P2RX7: variants seen among roughly 807,000 people sequenced by gnomAD.
P2RX7 encodes P2X purinoceptor 7.
P2RX7 carries 62 observed loss-of-function variants against 71.6 expected under a neutral mutation model. The ratio of observed to expected loss-of-function variants is 0.87; its 90% confidence interval spans 0.71 to 1.07. The LOEUF is 1.07. P2RX7 is among the 50% of genes least tolerant of loss of function. The pLI is 0.00. For missense variants in P2RX7, 686 were observed against 748.5 expected (o/e 0.92, Z 0.97); for synonymous variants, 299 against 283.3 (o/e 1.06, Z -0.56).
chr12:121,182,108 T>C (rs1271876136), intron 12 of P2RX7, among the ~76,000 whole-genome samples: 1 of 151,302 alleles, frequency 6.6e-6, no homozygotes, highest in Non-Finnish European at 1.5e-5. Context: ...GAAATATCAG[T>C]GAGTTTTCTT....
chr12:121,159,788 G>T (rs1879284273), intron 3 of P2RX7, among the ~76,000 whole-genome samples: 1 of 152,110 alleles, frequency 6.6e-6, no homozygotes, highest in Non-Finnish European at 1.5e-5. Context: ...CGAGTGTCCT[G>T]GCCAATGTCT....
At chr12:121,182,342 C>T (rs12304035) in intron 12 of P2RX7, among the ~76,000 whole-genome samples, 16,620 of 152,218 alleles carry the variant, frequency 0.11, 1,053 homozygotes, top group African/African-American at 0.18. Context: ...AAGTGAACTA[C>T]AGTCATGCAT....
Position 121,185,109 on chromosome 12 carries a change from T to G in P2RX7, c.*307T>G. On this transcript the variant is annotated 3_prime_UTR_variant, in exon 13 of 13. Transcript: ENST00000328963. ...AAAAAAAAAAAAGAGTCCTTACCAA[T>G]AGCAGGGGCTGCAGTAGCCATGTTA... The G allele has an allele frequency of 1.3e-5, 3 of 234,198 alleles. No homozygotes were observed. The highest frequency in any genetic ancestry group is 2.5e-5 in the Non-Finnish European group (3 of 120,534). 14.5% of individuals were successfully genotyped at this position (234,198 alleles called of 1,614,324 possible). A position where few individuals can be genotyped will look rare whatever the true frequency, so the allele number is the denominator to read the frequency against.
chr12:121,157,528 C>T (rs968236999), intron 3 of P2RX7, among the ~76,000 whole-genome samples: 6 of 152,208 alleles, frequency 3.9e-5, no homozygotes, highest in South Asian at 2.1e-4. Context: ...CTTCTGTCTC[C>T]CTTCCCAGCA....
chr12:121,162,462 C>T lies in P2RX7; in HGVS notation c.475C>T (p.Gln159Ter), dbSNP rs1192407742. The change falls in exon 5 of 13, where the codon CAG (glutamine) becomes TAG (stop). Residue 159 changes from glutamine to a stop codon, truncating the protein, a stop_gained. Coordinates refer to ENST00000328963, the MANE Select transcript of P2RX7 (RefSeq NM_002562.6). LOFTEE classifies it high-confidence loss of function. ...AAGGTGTGTAGTGTATGAAGGGAACCAGAAGACCTGTGAAGTCTCTGCCTG... is the reference window on the plus strand; with the variant it reads ...AAGGTGTGTAGTGTATGAAGGGAACTAGAAGACCTGTGAAGTCTCTGCCTG... ...TGRCVVYEGNQKTCEVSAWCP... is the reference protein window; with the variant it reads ...TGRCVVYEGN The T allele has an allele frequency of 6.8e-6, 11 of 1,613,834 alleles. No homozygotes were observed. Among genetic ancestry groups the T allele is most frequent in the Non-Finnish European group, 9.3e-6 (11 of 1,180,002 alleles).
chr12:121,168,530 A>G (rs1172192656), intron 8 of P2RX7, among the ~76,000 whole-genome samples: 1 of 152,058 alleles, frequency 6.6e-6, no homozygotes, highest in Non-Finnish European at 1.5e-5. Flanking sequence ...TGGCTTCCCA[A>G]AGTGCTAGGA....
chr12:121,162,116 T>C (rs1879843178), intron 4 of P2RX7, among the ~76,000 whole-genome samples: 1 of 152,198 alleles, frequency 6.6e-6, no homozygotes, highest in South Asian at 2.1e-4. Flanking sequence ...AGTCCATTTA[T>C]ACTAAGTGAG....
chr12:121,183,397 T>A (rs1422738386), intron 12 of P2RX7, among the ~76,000 whole-genome samples: 2 of 147,418 alleles, frequency 1.4e-5, no homozygotes, highest in African/African-American at 5.0e-5. Context: ...ATGGTGAAAC[T>A]CTGTCTCTAC....
chr12:121,178,513 T>A (rs370485813), intron 11 of P2RX7, among the ~76,000 whole-genome samples: 2 of 152,342 alleles, frequency 1.3e-5, no homozygotes, highest in East Asian at 1.9e-4. Context: ...GGCCCAAGGC[T>A]GGGCACAGTG....
At chr12:121,143,073 CTT>C in intron 1 of P2RX7, among the ~76,000 whole-genome samples, 1 of 145,210 alleles carries the variant, frequency 6.9e-6, no homozygotes, top group Non-Finnish European at 1.5e-5. Flanking sequence ...CAGAGTGAGA[CTT>C]CATCTCAAAA....
Position 121,165,119 on chromosome 12 carries a change from G to A in P2RX7, c.534-238G>A, listed in dbSNP as rs192282110. On this transcript the variant is annotated intron_variant, in intron 5 of 12. Coordinates refer to ENST00000328963, the MANE Select transcript of P2RX7 (RefSeq NM_002562.6). ...GATTACAATTCAAGATGAGATTTGG[G>A]TGGGGACACAGAGCCAAACCATATC... is the stretch of plus-strand genomic sequence containing the variant. Among the ~76,000 whole-genome samples, 8 of 152,292 alleles carry A rather than the reference G, an allele frequency of 5.3e-5. No individual in the cohort carries two copies. In the East Asian group the frequency reaches 1.4e-3, roughly 26 times the overall value.
intron 3 of P2RX7, among the ~76,000 whole-genome samples, chr12:121,160,425 G>A (rs1879436455): frequency 6.6e-6 from 1 of 152,176 alleles, no homozygotes; most frequent in South Asian, 2.1e-4. Context: ...GGGATTACAG[G>A]CGTGATAAGC....
Position 121,156,122 on chromosome 12 carries a change from G to T in P2RX7, c.338G>T (p.Gly113Val), listed in dbSNP as rs771055435. The change falls in exon 3 of 13, where the codon GGC becomes GTC. Residue 113 changes from glycine to valine, a missense_variant. Gly to Val is a moderately radical substitution (Grantham distance 109). Coordinates refer to ENST00000328963, the MANE Select transcript of P2RX7 (RefSeq NM_002562.6). The stretch of plus-strand genomic sequence containing the variant: ...ATGACAAACTTTCTCAAAACAGAAG[G>T]CCAAGAGCAGCGGTTGTGTCCCGAG... ...FVMTNFLKTE[G>V]QEQRLCPEYP... The T allele has an allele frequency of 2.5e-6, 4 of 1,614,082 alleles. No individual in the cohort carries two copies. The African/African-American group carries it at 5.3e-5, about 22-fold the overall frequency.
rs573524056 is a variant in P2RX7, at chr12:121,188,028, A to G, written c.*3226A>G. 2.0e-5 allele frequency: 3 copies of G among 152,308 alleles called. No individual in the cohort carries two copies. The East Asian group carries it at 5.8e-4, about 29-fold the overall frequency. 9.4% of individuals were successfully genotyped at this position (152,308 alleles called of 1,614,324 possible). ...TTTGATAATTAAAAAAAGGTATATA[A>G]TTTATTTAAATCTTCATTTCCTTTC... On this transcript the variant is annotated 3_prime_UTR_variant, in exon 13 of 13. Transcript: ENST00000328963.
rs1396757108 is a variant in P2RX7, at chr12:121,187,337, A to T, written c.*2535A>T. 2 of 152,206 alleles carry T rather than the reference A, an allele frequency of 1.3e-5. No homozygotes were observed. The highest frequency in any genetic ancestry group is 2.9e-5 in the Non-Finnish European group (2 of 68,038). 9.4% of individuals were successfully genotyped at this position (152,206 alleles called of 1,614,324 possible). Reference sequence around the variant, plus strand: ...TGATACAGGGTTTTATTTGGCTTTAAACTCAGGAACCAAGTTAATTATGCC... The same window carrying T: ...TGATACAGGGTTTTATTTGGCTTTATACTCAGGAACCAAGTTAATTATGCC... On this transcript the variant is annotated 3_prime_UTR_variant, in exon 13 of 13. Coordinates refer to ENST00000328963, the MANE Select transcript of P2RX7 (RefSeq NM_002562.6).
chr12:121,145,162 A>G (rs887866345), intron 1 of P2RX7, among the ~76,000 whole-genome samples: 2 of 152,170 alleles, frequency 1.3e-5, no homozygotes, highest in Non-Finnish European at 2.9e-5. Flanking sequence ...GCCCCAAAGG[A>G]GTGCTAACCT....
chr12:121,165,488 A>G (rs773297832), intron 6 of P2RX7, 51 bp downstream of exon 6: 1 of 1,397,936 alleles, frequency 7.2e-7, no homozygotes. Context: ...CTGAGTAATA[A>G]ATTATCCCAA....
At chr12:121,134,908 C>G (rs138708231) in intron 1 of P2RX7, among the ~76,000 whole-genome samples, 1 of 151,890 alleles carries the variant, frequency 6.6e-6, no homozygotes, top group East Asian at 1.9e-4. Flanking sequence ...TGGGCCAAGT[C>G]ATTAACTTCT....
intron 8 of P2RX7, among the ~76,000 whole-genome samples, chr12:121,171,009 T>C (rs1270371324): frequency 6.6e-6 from 1 of 152,166 alleles, no homozygotes; most frequent in South Asian, 2.1e-4. Flanking sequence ...ATTCCGCTTA[T>C]GCACGACCTG....
Sources: allele counts gnomAD v4.1 joint callset (sites outside exome capture counted in the v4.1 genomes callset), GRCh38; gene constraint gnomAD v4.1.1; transcripts MANE v1.5; gene names NCBI Gene and HGNC (gene_info 2026-07-23, HGNC 2026-07-21).